AIDA: variants seen among roughly 807,000 people sequenced by gnomAD.
AIDA encodes the protein axin interactor, dorsalization associated, also known as axin interactor, dorsalization-associated protein.
AIDA carries 18 observed loss-of-function variants against 42.7 expected under a neutral mutation model. The observed-to-expected ratio is 0.42, with a 90% CI of 0.29 to 0.63. The LOEUF (loss-of-function observed/expected upper bound fraction) is 0.63, where lower values mean the gene tolerates loss of function less well. Ranked by LOEUF, AIDA falls within the 20% of genes least tolerant of loss-of-function variation. The pLI, the probability that AIDA is intolerant of heterozygous loss-of-function variation, is 0.19. For synonymous variants in AIDA, 104 were observed against 122.9 expected, an observed-to-expected ratio of 0.85 and a Z score of 1.02; for missense variants, 250 against 354.1, an observed-to-expected ratio of 0.71 and a Z score of 2.36.
chr1:222,673,764 C>G (rs1327117545), intron 7 of AIDA, among the ~76,000 whole-genome samples: 1 of 141,042 alleles, frequency 7.1e-6, no homozygotes, highest in Non-Finnish European at 1.5e-5. Flanking sequence ...GGCAAAAGAG[C>G]TAGACTCTGT....
chr1:222,696,487 T>C (rs1452830592), intron 2 of AIDA, among the ~76,000 whole-genome samples: 1 of 152,198 alleles, frequency 6.6e-6, no homozygotes, highest in Non-Finnish European at 1.5e-5. Context: ...TTTAAAAGTG[T>C]GAAAACTGAA....
chr1:222,677,417 A>G (rs1330114359), intron 6 of AIDA, among the ~76,000 whole-genome samples: 1 of 152,026 alleles, frequency 6.6e-6, no homozygotes, highest in Non-Finnish European at 1.5e-5. Flanking sequence ...TCTTTTTCTT[A>G]TACTAGTACA....
intron 4 of AIDA, among the ~76,000 whole-genome samples, chr1:222,691,908 G>GT (rs1376195230): frequency 2.0e-5 from 3 of 152,098 alleles, no homozygotes; most frequent in Non-Finnish European, 4.4e-5. Context: ...GAATTAAACA[G>GT]TATTTTCTTA....
chr1:222,680,790 G>A (rs765921688), intron 6 of AIDA, among the ~76,000 whole-genome samples: 5 of 150,540 alleles, frequency 3.3e-5, no homozygotes, highest in African/African-American at 7.3e-5. Flanking sequence ...CTAAAGTAAT[G>A]TTCACTTAAA....
rs751365285 is a variant in AIDA at position 222,686,932 on chromosome 1, G to A, written c.458C>T (p.Pro153Leu). Residue 153 changes from proline (P) to leucine (L), a missense_variant and splice_region_variant, in exon 6 of 10, where the codon CCC becomes CTC. Around this residue, in one of 4 missense-constraint regions of AIDA, gnomAD observed 199 missense variants for 232.6 expected, o/e 0.86. Coordinates refer to ENST00000340020, the MANE Select transcript of AIDA (RefSeq NM_022831.4). ...TATTTTTAATAAGTGATACCTACCG[G>A]GAACTCTAGCAGGAAAAGAATCAGG... is the stretch of plus-strand genomic sequence containing the variant. ...GSPDSFPARV[P>L]GTLLPRLPSE... 1 of 1,613,122 alleles carries A rather than the reference G, an allele frequency of 6.2e-7. No individual in the cohort carries two copies. The highest frequency in any genetic ancestry group is 8.5e-7 in the Non-Finnish European group (1 of 1,179,758).
chr1:222,688,940 A>G (rs941298021), intron 4 of AIDA, among the ~76,000 whole-genome samples: 2 of 152,088 alleles, frequency 1.3e-5, no homozygotes, highest in Non-Finnish European at 2.9e-5. Flanking sequence ...ATAGGAGATG[A>G]CAGCTCCATG....
Position 222,712,271 on chromosome 1 carries a change from A to C in AIDA, c.47T>G (p.Phe16Cys). The C allele has an allele frequency of 6.3e-7, 1 of 1,587,416 alleles. No homozygotes were observed. Among genetic ancestry groups the C allele is most frequent in the South Asian group, 1.1e-5 (1 of 87,792 alleles). The change falls in exon 1 of 10, where the codon TTT (phenylalanine) becomes TGT (cysteine). Residue 16 changes from phenylalanine to cysteine, a missense_variant. Phe to Cys is a radical substitution (Grantham distance 205). This residue lies in a region of AIDA where 14 missense variants were observed against 20.1 expected (regional missense o/e 0.70). Coordinates refer to ENST00000340020, the MANE Select transcript of AIDA (RefSeq NM_022831.4). ...RSLLQRWGAS[F>C]RRGADFDSWG... ...AGAGTCGAAGTCGGCGCCTCTCCTA[A>C]AACTGGCGCCCCAGCGCTGCAGCAG...
intron 1 of AIDA, among the ~76,000 whole-genome samples, chr1:222,706,549 T>C (rs766182087): frequency 6.6e-6 from 1 of 151,458 alleles, no homozygotes; most frequent in Non-Finnish European, 1.5e-5. Context: ...AAAACATTAA[T>C]TACGCTAAAT....
chr1:222,697,754 T>C (rs1442633766), intron 2 of AIDA, among the ~76,000 whole-genome samples: 1 of 152,034 alleles, frequency 6.6e-6, no homozygotes, highest in Non-Finnish European at 1.5e-5. Context: ...AAAAAATACA[T>C]ATAAAGTAGA....
chr1:222,705,360 C>A (rs1159849267), intron 1 of AIDA, among the ~76,000 whole-genome samples: 1 of 152,134 alleles, frequency 6.6e-6, no homozygotes. Context: ...ATGGAGTACT[C>A]CCGAGTAATC....
intron 4 of AIDA, among the ~76,000 whole-genome samples, chr1:222,689,475 G>A (rs866847315): frequency 6.1e-4 from 20 of 32,768 alleles, no homozygotes; most frequent in African/African-American, 3.4e-3. Context: ...ATGTATGTGT[G>A]TGTGTGTATA....
At position 222,696,953 on chromosome 1, in the gene AIDA, T is replaced by G. The variant is rs571673690; in HGVS notation, c.181-2690A>C. Among the ~76,000 whole-genome samples the G allele has an allele frequency of 2.0e-5, 3 of 152,298 alleles. No homozygotes were observed. In the East Asian group the frequency reaches 5.8e-4, roughly 29 times the overall value. ...AGGTGTTTTTTGTTTGTTTTTGTTTTTTTTTAATATACGGAGTCTCACTCT... is the reference window on the plus strand; with the variant it reads ...AGGTGTTTTTTGTTTGTTTTTGTTTGTTTTTAATATACGGAGTCTCACTCT... On this transcript the variant is annotated intron_variant, in intron 2 of 9. Transcript: ENST00000340020.
intron 6 of AIDA, among the ~76,000 whole-genome samples, chr1:222,685,919 A>G (rs577953555): frequency 3.3e-5 from 5 of 152,278 alleles, no homozygotes; most frequent in African/African-American, 1.2e-4. Context: ...CAGCACTATG[A>G]GAGGCTGAGG....
At chr1:222,681,780 G>A (rs1664658244) in intron 6 of AIDA, among the ~76,000 whole-genome samples, 2 of 152,212 alleles carry the variant, frequency 1.3e-5, no homozygotes, top group African/African-American at 4.8e-5. Context: ...GATGTGGACT[G>A]TGCAAGCAAG....
intron 3 of AIDA, 55 bp downstream of exon 3, chr1:222,694,155 C>T (rs1571935566): frequency 1.4e-6 from 2 of 1,480,732 alleles, no homozygotes; most frequent in East Asian, 2.3e-5. Flanking sequence ...TGTTTTATCA[C>T]AATAATGCAG....
In AIDA at chr1:222,694,204, C is replaced by G; in HGVS notation, c.234+6G>C. On this transcript the variant is annotated splice_donor_region_variant and intron_variant, in intron 3 of 9. Transcript: ENST00000340020. ...CCTTGTATTACAGAAGAGAAAAACT[C>G]CTTACCTGTAAAGCTGCACTTCGCA... 6.2e-7 allele frequency: 1 copy of G among 1,607,982 alleles called. No individual in the cohort carries two copies. Among genetic ancestry groups the G allele is most frequent in the Non-Finnish European group, 8.5e-7 (1 of 1,177,868 alleles).
At position 222,681,170 on chromosome 1, in the gene AIDA, G is replaced by A. The variant is rs866405239; in HGVS notation, c.461-4952C>T. Among the ~76,000 whole-genome samples, 6 of 152,108 alleles carry A rather than the reference G, an allele frequency of 3.9e-5. No homozygotes were observed. In the East Asian group the frequency reaches 5.8e-4, roughly 15 times the overall value. ...AAGCAAAGGCCAAGCTGGATTTCACGCCCTGTCCTCACGTGTACCTCTGAG... is the reference window on the plus strand; with the variant it reads ...AAGCAAAGGCCAAGCTGGATTTCACACCCTGTCCTCACGTGTACCTCTGAG... On this transcript the variant is annotated intron_variant, in intron 6 of 9. Transcript: ENST00000340020.
intron 4 of AIDA, among the ~76,000 whole-genome samples, chr1:222,693,580 G>A (rs1016942593): frequency 6.6e-6 from 1 of 151,970 alleles, no homozygotes; most frequent in Non-Finnish European, 1.5e-5. Context: ...TTTAGATGAG[G>A]TACAACCTCA....
rs1664482280 is a variant in AIDA at position 222,673,301 on chromosome 1, A to C, written c.706+12T>G. 1.3e-6 allele frequency: 2 copies of C among 1,598,400 alleles called. No homozygotes were observed. Among genetic ancestry groups the C allele is most frequent in the Non-Finnish European group, 1.7e-6 (2 of 1,172,222 alleles). Reference sequence around the variant, plus strand: ...GTCCATAAGAAGCCAAGTATTATTTAGGATTACAAACCTTTGGTTAATTTT... The same window carrying C: ...GTCCATAAGAAGCCAAGTATTATTTCGGATTACAAACCTTTGGTTAATTTT... On this transcript the variant is annotated intron_variant, in intron 8 of 9. Coordinates refer to ENST00000340020, the MANE Select transcript of AIDA (RefSeq NM_022831.4).
Sources: gnomAD v4.1 joint callset for allele counts (sites outside exome capture counted in the v4.1 genomes callset) on GRCh38, gnomAD v4.1.1 for gene constraint, gnomAD v4.1.1 regional missense constraint, MANE v1.5 for transcripts, NCBI Gene and HGNC (gene_info 2026-07-23, HGNC 2026-07-21) for gene names.